Variants in INTS7 observed in about 807,000 individuals in gnomAD.
INTS7 encodes chromosome 1 open reading frame 73.
In INTS7, 46 loss-of-function variants were observed where a neutral mutation model predicts 109.2. That is an observed-to-expected ratio of 0.42 (90% CI 0.33 to 0.54). INTS7 has a LOEUF of 0.54. Among genes scored for constraint, INTS7 ranks in the 20% least tolerant of loss-of-function variants. The pLI is 0.07. For synonymous variants in INTS7, 412 were observed against 402.9 expected (o/e 1.02, Z -0.27); for missense variants, 929 against 1,132.4 (o/e 0.82, Z 2.58).
intron 7 of INTS7, among the ~76,000 whole-genome samples, chr1:211,995,045 G>A (rs1171193288): frequency 6.6e-6 from 1 of 152,046 alleles, no homozygotes; most frequent in African/African-American, 2.4e-5. Context: ...GATATGGGGT[G>A]AGGGGAAGAT....
At chr1:212,011,856 T>C (rs1666178908) in intron 4 of INTS7, among the ~76,000 whole-genome samples, 2 of 152,386 alleles carry the variant, frequency 1.3e-5, no homozygotes, top group African/African-American at 4.8e-5. Flanking sequence ...TTTAAAAATC[T>C]GTTACAGACC....
intron 1 of INTS7, among the ~76,000 whole-genome samples, chr1:212,027,191 G>A (rs1666962172): frequency 6.6e-6 from 1 of 152,172 alleles, no homozygotes; most frequent in Admixed American, 6.5e-5. Context: ...AGGAAAAAGT[G>A]CTTTAAAGGC....
chr1:212,026,757 T>C (rs1257047719), intron 1 of INTS7, among the ~76,000 whole-genome samples: 1 of 152,238 alleles, frequency 6.6e-6, no homozygotes, highest in Non-Finnish European at 1.5e-5. Context: ...TCACTGTCAG[T>C]AGCTGAGTTA....
chr1:212,032,229 C>T (rs970978607), intron 1 of INTS7, among the ~76,000 whole-genome samples: 2 of 152,186 alleles, frequency 1.3e-5, no homozygotes, highest in African/African-American at 2.4e-5. Context: ...GTCACCATCT[C>T]GGTCTAAGCC....
chr1:211,951,621 A>C (rs1663096323), intron 17 of INTS7, among the ~76,000 whole-genome samples: 1 of 152,074 alleles, frequency 6.6e-6, no homozygotes, highest in Non-Finnish European at 1.5e-5. Flanking sequence ...GAGTGTTCTT[A>C]AAGAAGAGGA....
At chr1:211,950,775 CCCTTTTCTCTGTA>C (rs1663049816) in intron 17 of INTS7, among the ~76,000 whole-genome samples, 1 of 152,184 alleles carries the variant, frequency 6.6e-6, no homozygotes, top group African/African-American at 2.4e-5. Flanking sequence ...GAGCCTAGGG[CCCTTTTCTCTGTA>C]CTGTGTCTTC....
chr1:211,995,146 A>C (rs1665325599), intron 7 of INTS7, among the ~76,000 whole-genome samples: 1 of 152,176 alleles, frequency 6.6e-6, no homozygotes, highest in Non-Finnish European at 1.5e-5. Flanking sequence ...AATTATGCCT[A>C]ATTAGCACAT....
chr1:212,015,326 A>T (rs1263411147), intron 4 of INTS7, among the ~76,000 whole-genome samples: 1 of 152,204 alleles, frequency 6.6e-6, no homozygotes, highest in Non-Finnish European at 1.5e-5. Context: ...GTGTAGAAAG[A>T]AGTAGACATA....
intron 18 of INTS7, among the ~76,000 whole-genome samples, chr1:211,945,170 C>T (rs949393848): frequency 6.6e-6 from 1 of 152,084 alleles, no homozygotes; most frequent in African/African-American, 2.4e-5. Context: ...GGTTTTCATC[C>T]CAAACCTCAG....
chr1:211,966,591 T>C, intron 15 of INTS7, 93 bp from the exon 16 acceptor site: 1 of 757,628 alleles, frequency 1.3e-6, no homozygotes, highest in South Asian at 1.6e-5. Context: ...GATTTAATGA[T>C]TGCCTAGTGA....
chr1:212,020,800 A>C, intron 2 of INTS7: 1 of 887,040 alleles, frequency 1.1e-6, no homozygotes, highest in Non-Finnish European at 1.4e-6. Context: ...CTCAAAAACA[A>C]TCTGTACAAA....
At chr1:211,943,840 G>A (rs566843287) in intron 19 of INTS7, among the ~76,000 whole-genome samples, 1 of 152,260 alleles carries the variant, frequency 6.6e-6, no homozygotes, top group South Asian at 2.1e-4. Flanking sequence ...AGCCAATCTG[G>A]GCATCTGAGT....
At chr1:211,965,209 C>A (rs190602416) in intron 16 of INTS7, among the ~76,000 whole-genome samples, 128 of 151,946 alleles carry the variant, frequency 8.4e-4, no homozygotes, top group African/African-American at 3.1e-3. Context: ...CTCAACATCG[C>A]TGATCATTAG....
intron 8 of INTS7, among the ~76,000 whole-genome samples, chr1:211,984,038 ATTT>A (rs562438886): frequency 7.5e-4 from 113 of 150,074 alleles, no homozygotes; most frequent in African/African-American, 2.6e-3. Context: ...TAATTTTGTT[ATTT>A]TTTTTTGTAG....
At chr1:211,982,651 T>C (rs1354674582) in intron 9 of INTS7, 25 bp downstream of exon 9, 1 of 1,537,008 alleles carries the variant, frequency 6.5e-7, no homozygotes, top group Admixed American at 2.0e-5. Context: ...AGTTTATACG[T>C]AATATCAGTC....
chr1:211,994,423 CTTT>C (rs1281380292), intron 7 of INTS7, among the ~76,000 whole-genome samples: 13 of 133,628 alleles, frequency 9.7e-5, no homozygotes, highest in Non-Finnish European at 8.0e-5. Context: ...AAAAAATTCT[CTTT>C]TTTTTTTTTT....
chr1:211,987,774 A>G, intron 8 of INTS7, 112 bp downstream of exon 8: 1 of 545,414 alleles, frequency 1.8e-6, no homozygotes, highest in African/African-American at 1.9e-5. Context: ...GCAATGGAGT[A>G]TGAGATTTTT....
At chr1:211,948,824 C>T (rs546762317) in intron 17 of INTS7, among the ~76,000 whole-genome samples, 1 of 152,356 alleles carries the variant, frequency 6.6e-6, no homozygotes, top group African/African-American at 2.4e-5. Context: ...TCTCCAGCAT[C>T]AGCCTCCTGA....
At chr1:212,023,544 C>T (rs1026917483) in intron 1 of INTS7, among the ~76,000 whole-genome samples, 2 of 152,028 alleles carry the variant, frequency 1.3e-5, no homozygotes, top group Non-Finnish European at 2.9e-5. Context: ...GCTTGTATGT[C>T]TTCTTTTGAG....
Sources: gnomAD v4.1 joint callset for allele counts (sites outside exome capture counted in the v4.1 genomes callset) on GRCh38, gnomAD v4.1.1 for gene constraint, MANE v1.5 for transcripts, NCBI Gene and HGNC (gene_info 2026-07-23, HGNC 2026-07-21) for gene names.